Variants in FOXP2 observed in about 807,000 individuals in gnomAD.
The protein encoded by FOXP2 is forkhead box protein P2.
A neutral mutation model predicts 115.8 loss-of-function variants in FOXP2; 12 were observed. The ratio of observed to expected loss-of-function variants is 0.10; its 90% CI spans 0.07 to 0.17. The LOEUF (loss-of-function observed/expected upper bound fraction) is 0.17. FOXP2 is among the 10% of genes least tolerant of loss of function. The probability of loss-of-function intolerance (pLI) is 1.00; values close to 1 mark genes in which losing one functional copy is unlikely to be tolerated. For synonymous variants in FOXP2, 328 were observed against 297.7 expected (o/e 1.10, Z -1.05); for missense variants, 629 against 843.5 (o/e 0.75, Z 3.15).
chr7:114,282,934 A>G (rs192522154), intron 1 of FOXP2, among the ~76,000 whole-genome samples: 111 of 152,338 alleles, frequency 7.3e-4, no homozygotes, highest in Non-Finnish European at 1.4e-3. Flanking sequence ...TGTAAATTTT[A>G]GTAGGAATAA....
chr7:114,605,885 TA>T (rs1217473492), intron 3 of FOXP2, among the ~76,000 whole-genome samples: 5 of 152,324 alleles, frequency 3.3e-5, no homozygotes, highest in African/African-American at 1.2e-4. Flanking sequence ...GGTAGTGGCC[TA>T]AAGAGATTTG....
chr7:114,122,566 C>T (rs575667571), intron 1 of FOXP2, among the ~76,000 whole-genome samples: 44 of 151,854 alleles, frequency 2.9e-4, no homozygotes, highest in Admixed American at 1.2e-3. Flanking sequence ...TCTTTATTTC[C>T]TGAGTCAGAA....
At chr7:114,611,256 G>A (rs1026189017) in intron 3 of FOXP2, among the ~76,000 whole-genome samples, 3 of 152,082 alleles carry the variant, frequency 2.0e-5, no homozygotes, top group African/African-American at 7.2e-5. Context: ...CCACTTATGT[G>A]AACACATTTA....
At position 114,370,369 on chromosome 7, in the gene FOXP2, G is replaced by A. The variant is rs115327788; in HGVS notation, c.-10-56133G>A. ...AGAGTCGTGCCCCAATGGCTTTAGG[G>A]GCATCCACTTGTCATGCAGTTGGCT... On this transcript the variant is annotated intron_variant, in intron 2 of 17. Coordinates refer to the FOXP2 transcript ENST00000634411. Among the ~76,000 whole-genome samples, 921 of 152,294 alleles carry A rather than the reference G, an allele frequency of 6.0e-3. 12 individuals carry two copies. The highest frequency in any genetic ancestry group is 0.021 in the African/African-American group (877 of 41,562).
At chr7:114,600,481 T>C (rs965390808) in intron 3 of FOXP2, among the ~76,000 whole-genome samples, 3 of 152,206 alleles carry the variant, frequency 2.0e-5, no homozygotes, top group Non-Finnish European at 2.9e-5. Flanking sequence ...TAAACATTTG[T>C]GTGCAGAGTT....
chr7:114,160,274 G>C (rs575660540), upstream of FOXP2, among the ~76,000 whole-genome samples: 2 of 152,120 alleles, frequency 1.3e-5, no homozygotes, highest in Non-Finnish European at 2.9e-5. Context: ...AGACAGGAGT[G>C]CAGAAGATCA....
intron 1 of FOXP2, among the ~76,000 whole-genome samples, chr7:114,208,442 G>T (rs2100249): frequency 0.37 from 55,839 of 151,932 alleles, 11,033 homozygotes; most frequent in Admixed American, 0.56. Flanking sequence ...GAAGGGACTT[G>T]CCTTGTCTCA....
At chr7:114,634,846 A>G (rs1291227733) in intron 6 of FOXP2, among the ~76,000 whole-genome samples, 2 of 152,170 alleles carry the variant, frequency 1.3e-5, no homozygotes, top group Non-Finnish European at 2.9e-5. Context: ...TATGTTTGTG[A>G]CATCCGATAA....
intron 1 of FOXP2, among the ~76,000 whole-genome samples, chr7:114,123,364 A>AAAAG (rs1490046373): frequency 1.3e-5 from 2 of 151,214 alleles, no homozygotes; most frequent in African/African-American, 2.4e-5. Context: ...AAAAAAAAAA[A>AAAAG]AAAGAAAGAA....
chr7:114,255,496 G>A (rs1795586068), intron 1 of FOXP2, among the ~76,000 whole-genome samples: 1 of 152,174 alleles, frequency 6.6e-6, no homozygotes, highest in Non-Finnish European at 1.5e-5. Flanking sequence ...AACTGCGGGG[G>A]CGCCCGTCCC....
chr7:114,176,284 CTTTCTTTCTTTCTT>C lies in FOXP2; in HGVS notation c.-102+13198_-102+13211del, dbSNP rs1386009765. Reference sequence around the variant, plus strand: ...TTTCCCTTTCTTTCTTTCTTTCTTTCTTTCTTTCTTTCTTTCTCTCTCTCTCTCTCTCTCTCTTT... The same window carrying C: ...TTTCCCTTTCTTTCTTTCTTTCTTTCTCTCTCTCTCTCTCTCTCTCTCTTT... On this transcript the variant is annotated intron_variant, in intron 1 of 17. Coordinates refer to the FOXP2 transcript ENST00000634411. 8.9e-3 allele frequency among the ~76,000 whole-genome samples: 379 copies of C among 42,734 alleles called. 2 individuals carry two copies. The highest frequency in any genetic ancestry group is 0.019 in the African/African-American group (325 of 16,824). The allele number at this position is 42,734 out of a possible 152,430, so 28.0% of individuals were successfully genotyped here.
intron 1 of FOXP2, among the ~76,000 whole-genome samples, chr7:114,257,302 A>C (rs1017656919): frequency 2.6e-5 from 4 of 152,170 alleles, no homozygotes; most frequent in Admixed American, 6.5e-5. Context: ...ACTCAAGATG[A>C]TTAAAGACTT....
chr7:114,592,120 G>C (rs1802469415), intron 3 of FOXP2, among the ~76,000 whole-genome samples: 1 of 151,910 alleles, frequency 6.6e-6, no homozygotes, highest in Non-Finnish European at 1.5e-5. Context: ...AATAATCTAG[G>C]TAATAAAACA....
At chr7:114,550,587 A>G (rs1800160173) in intron 3 of FOXP2, among the ~76,000 whole-genome samples, 1 of 152,172 alleles carries the variant, frequency 6.6e-6, no homozygotes, top group African/African-American at 2.4e-5. Flanking sequence ...ATGCTAGAAC[A>G]TTGAAGTTAT....
upstream of FOXP2, among the ~76,000 whole-genome samples, chr7:114,161,828 G>A (rs1328614347): frequency 6.6e-6 from 1 of 152,106 alleles, no homozygotes; most frequent in Non-Finnish European, 1.5e-5. Context: ...CCAGGCTGGA[G>A]TGCAGTAGCA....
rs557882793 is a variant in FOXP2, at chr7:114,275,964, T to C, written c.-101-12055T>C. The stretch of plus-strand genomic sequence containing the variant: ...CCTTAGGTGGGAGAGGATGGCTAGC[T>C]TGGGTTGGAGCTGGGCATTTCTTCT... On this transcript the variant is annotated intron_variant, in intron 1 of 17. Transcript: ENST00000634411. Among the ~76,000 whole-genome samples, 5 of 152,228 alleles carry C rather than the reference T, an allele frequency of 3.3e-5. No homozygotes were observed. In the South Asian group the frequency reaches 1.0e-3, roughly 32 times the overall value.
In FOXP2 at chr7:114,420,671, A is replaced by T. The variant is rs541964182; in HGVS notation, c.-11+5311A>T. Among the ~76,000 whole-genome samples the T allele has an allele frequency of 4.6e-3, 695 of 151,982 alleles. 3 individuals are homozygous for T. Among genetic ancestry groups the T allele is most frequent in the South Asian group, 0.018 (86 of 4,822 alleles). ...AAAATATTACATTTTGGCATTATAAATTAATGAAAACTCAATTTGTCAGAG... is the reference window on the plus strand; with the variant it reads ...AAAATATTACATTTTGGCATTATAATTTAATGAAAACTCAATTTGTCAGAG... On this transcript the variant is annotated intron_variant, in intron 1 of 16. Coordinates refer to ENST00000350908, the MANE Select transcript of FOXP2 (RefSeq NM_014491.4).
At chr7:114,327,655 C>G (rs566259188) in intron 2 of FOXP2, among the ~76,000 whole-genome samples, 1 of 151,930 alleles carries the variant, frequency 6.6e-6, no homozygotes, top group Admixed American at 6.6e-5. Context: ...GCATGCACCA[C>G]CATGCCCAGC....
At chr7:114,344,829 A>C (rs934298918) in intron 2 of FOXP2, among the ~76,000 whole-genome samples, 1 of 151,856 alleles carries the variant, frequency 6.6e-6, no homozygotes, top group African/African-American at 2.4e-5. Context: ...TAGTATGAGC[A>C]GACATAACAA....
Sources: gnomAD v4.1 joint callset for allele counts (sites outside exome capture counted in the v4.1 genomes callset) on GRCh38, gnomAD v4.1.1 for gene constraint, MANE v1.5 for transcripts, NCBI Gene and HGNC (gene_info 2026-07-23, HGNC 2026-07-21) for gene names.